The following MAMLD1 variants were observed in gnomAD, a reference collection of about 807,000 sequenced individuals.
MAMLD1 encodes mastermind like domain containing 1, also known as mastermind-like domain-containing protein 1.
In MAMLD1, 14 loss-of-function variants were observed where a neutral mutation model predicts 45.0. The observed-to-expected ratio is 0.31, with a 90% CI of 0.21 to 0.49. MAMLD1 has a LOEUF of 0.49. MAMLD1 is among the 20% of genes least tolerant of loss of function. The pLI, the probability that MAMLD1 is intolerant of heterozygous loss-of-function variation, is 0.99. For synonymous variants in MAMLD1, 254 were observed against 247.8 expected, an observed-to-expected ratio of 1.02 and a Z score of -0.24; for missense variants, 543 against 603.6, an observed-to-expected ratio of 0.90 and a Z score of 1.05.
intron 1 of MAMLD1, among the ~76,000 whole-genome samples, chrX:150,430,804 C>T (rs782801198): frequency 4.3e-4 from 48 of 112,198 alleles, no homozygotes; most frequent in Non-Finnish European, 6.2e-4. Context: ...GGTTCTCTGT[C>T]CAGTTCCAAT....
intron 1 of MAMLD1, among the ~76,000 whole-genome samples, chrX:150,424,470 C>T (rs781870454): frequency 8.9e-6 from 1 of 112,309 alleles, no homozygotes; most frequent in African/African-American, 3.2e-5. Context: ...CCTACACCAA[C>T]TTTGCAAGTT....
intron 5 of MAMLD1, among the ~76,000 whole-genome samples, chrX:150,485,241 C>G (rs782649114): frequency 9.0e-6 from 1 of 111,438 alleles, no homozygotes; most frequent in East Asian, 2.8e-4. Context: ...TTCCTGAAGG[C>G]TAAGCATTGC....
chrX:150,396,464 A>C (rs1242831556), intron 1 of MAMLD1, among the ~76,000 whole-genome samples: 1 of 111,237 alleles, frequency 9.0e-6, no homozygotes, highest in African/African-American at 3.3e-5. Context: ...TGTGTTGTTT[A>C]ATCTCCATGA....
chrX:150,362,061 C>G (rs1162651695), upstream of MAMLD1, among the ~76,000 whole-genome samples: 2 of 112,231 alleles, frequency 1.8e-5, no homozygotes, highest in African/African-American at 3.2e-5. Context: ...GTGGGGCACT[C>G]GGCCGGGATG....
Position 150,512,562 on chromosome X carries a change from C to T in MAMLD1, c.*603C>T, listed in dbSNP as rs186833799. 20,648 of 1,154,537 alleles carry T rather than the reference C, an allele frequency of 0.018. 177 individuals carry two copies. Among genetic ancestry groups the T allele is most frequent in the South Asian group, 0.062 (3,235 of 52,493 alleles). ...GATTGGGAGGCACAAGTGCCCGCTGCGATGGGAACACAAGTGCCCCTGGCC... is the reference window on the plus strand; with the variant it reads ...GATTGGGAGGCACAAGTGCCCGCTGTGATGGGAACACAAGTGCCCCTGGCC... On this transcript the variant is annotated 3_prime_UTR_variant, in exon 8 of 8. Coordinates refer to ENST00000370401, the MANE Select transcript of MAMLD1 (RefSeq NM_005491.5).
chrX:150,375,677 G>C (rs1449528018), intron 1 of MAMLD1, among the ~76,000 whole-genome samples: 1 of 112,251 alleles, frequency 8.9e-6, no homozygotes, highest in Non-Finnish European at 1.9e-5. Flanking sequence ...AACCCGATTT[G>C]CCACGGGTAG....
rs868958137 is a variant in MAMLD1 at position 150,484,618 on chromosome X, G to A, written c.2040+10816G>A. Among the ~76,000 whole-genome samples, 6 of 112,589 alleles carry A rather than the reference G, an allele frequency of 5.3e-5. No individual in the cohort carries two copies. In the East Asian group the frequency reaches 1.1e-3, roughly 21 times the overall value. ...GTGGGCAGAACCACTCTTCCAAGCC[G>A]TGTAGTTATTCTGCACTGCAAGAGG... On this transcript the variant is annotated intron_variant, in intron 5 of 7. Transcript: ENST00000370401.
Position 150,365,295 on chromosome X carries a change from C to T in MAMLD1, c.-64+1765C>T, listed in dbSNP as rs190250759. The stretch of plus-strand genomic sequence containing the variant: ...GGCGATGGGGGAGGGGGCTGTGTTT[C>T]GAGGACCCTCTGTGGGAACCCACGA... On this transcript the variant is annotated intron_variant, in intron 1 of 7. Transcript: ENST00000370401. Among the ~76,000 whole-genome samples the T allele has an allele frequency of 1.6e-4, 18 of 111,673 alleles. No homozygotes were observed. The East Asian group carries it at 4.1e-3, about 25-fold the overall frequency.
intron 2 of MAMLD1, among the ~76,000 whole-genome samples, chrX:150,446,181 C>G (rs2035482274): frequency 8.9e-6 from 1 of 111,887 alleles, no homozygotes; most frequent in Non-Finnish European, 1.9e-5. Context: ...ATAGAAGGGA[C>G]TATGAGAGCC....
chrX:150,367,625 T>C (rs1033813904), intron 1 of MAMLD1, among the ~76,000 whole-genome samples: 11 of 111,800 alleles, frequency 9.8e-5, no homozygotes, highest in Non-Finnish European at 1.9e-4. Context: ...TTGTTACATA[T>C]GTATACATGT....
At chrX:150,443,738 T>A (rs1557404668) in intron 1 of MAMLD1, among the ~76,000 whole-genome samples, 1 of 111,152 alleles carries the variant, frequency 9.0e-6, no homozygotes, top group African/African-American at 3.3e-5. Flanking sequence ...TCTGTTTCTC[T>A]GCTGAGAATT....
At position 150,392,497 on chromosome X, in the gene MAMLD1, A is replaced by T. The variant is rs782801356; in HGVS notation, c.-64+28967A>T. Among the ~76,000 whole-genome samples the T allele has an allele frequency of 3.6e-5, 4 of 110,842 alleles. No individual in the cohort carries two copies. The East Asian group carries it at 1.1e-3, about 32-fold the overall frequency. Reference sequence around the variant, plus strand: ...CTCAACTCCCCTCCTGACCTTCCTTACACTACCCTGATGGGGAAGTGGTAG... The same window carrying T: ...CTCAACTCCCCTCCTGACCTTCCTTTCACTACCCTGATGGGGAAGTGGTAG... On this transcript the variant is annotated intron_variant, in intron 1 of 7. Transcript: ENST00000370401.
intron 1 of MAMLD1, among the ~76,000 whole-genome samples, chrX:150,424,152 C>T (rs924370993): frequency 8.9e-6 from 1 of 112,402 alleles, no homozygotes; most frequent in African/African-American, 3.2e-5. Flanking sequence ...GTTTTCAGCA[C>T]ATGGTCAGCT....
intron 1 of MAMLD1, among the ~76,000 whole-genome samples, chrX:150,396,076 G>GCACTCAA (rs1237230272): frequency 1.9e-5 from 2 of 105,259 alleles, no homozygotes; most frequent in Non-Finnish European, 3.9e-5. Context: ...TCAAACTTGT[G>GCACTCAA]CACTCAAGCA....
chrX:150,502,200 C>T (rs1334363016), intron 5 of MAMLD1, among the ~76,000 whole-genome samples: 5 of 112,773 alleles, frequency 4.4e-5, no homozygotes, highest in South Asian at 7.3e-4. Flanking sequence ...ACAATAGGTG[C>T]TTAGTAAGTG....
chrX:150,444,104 C>T (rs1557404685), intron 1 of MAMLD1, among the ~76,000 whole-genome samples: 4 of 111,952 alleles, frequency 3.6e-5, no homozygotes. Flanking sequence ...TGGAGCTCCT[C>T]ATTACTGCTG....
At position 150,470,178 on chromosome X, in the gene MAMLD1, C is replaced by T. The variant is rs146555522; in HGVS notation, c.605C>T (p.Thr202Met). Reference protein sequence around the residue: ...NELDLEKILGTKPEEPLVLDH... With the variant: ...NELDLEKILGMKPEEPLVLDH... ...CTAGATCTTGAGAAGATACTGGGGA[C>T]GAAGCCAGAAGAGCCACTGGTTTTA... Residue 202 changes from threonine to methionine, a missense_variant, in exon 4 of 8, where the codon ACG becomes ATG. By Grantham distance (81) the Thr-to-Met change is moderately conservative. Coordinates refer to ENST00000370401, the MANE Select transcript of MAMLD1 (RefSeq NM_005491.5). 1,761 of 1,209,859 alleles carry T rather than the reference C, an allele frequency of 1.5e-3. 1 individual carries two copies. Among genetic ancestry groups the T allele is most frequent in the Non-Finnish European group, 1.7e-3 (1,532 of 895,199 alleles).
At chrX:150,504,113 C>G in intron 6 of MAMLD1, 1 of 752,861 alleles carries the variant, frequency 1.3e-6, no homozygotes, top group Non-Finnish European at 1.6e-6. Flanking sequence ...CCAAAGCAAG[C>G]TTGTCCAAGA....
intron 5 of MAMLD1, among the ~76,000 whole-genome samples, chrX:150,490,740 G>A (rs782580000): frequency 1.8e-5 from 2 of 111,193 alleles, no homozygotes; most frequent in African/African-American, 3.3e-5. Flanking sequence ...AAAAGGGGAA[G>A]GTACACCAAT....
Sources: allele counts gnomAD v4.1 joint callset (sites outside exome capture counted in the v4.1 genomes callset), GRCh38; gene constraint gnomAD v4.1.1; transcripts MANE v1.5; gene names NCBI Gene and HGNC (gene_info 2026-07-23, HGNC 2026-07-21).